The following PARP8 variants were observed in gnomAD, a reference collection of about 807,000 sequenced individuals.
PARP8 encodes the protein poly(ADP-ribose) polymerase family member 8, also known as protein mono-ADP-ribosyltransferase PARP8.
A neutral mutation model predicts 124.1 loss-of-function variants in PARP8; 51 were observed. The ratio of observed to expected loss-of-function variants is 0.41; its 90% CI spans 0.33 to 0.52. PARP8 has a LOEUF of 0.52. Ranked by LOEUF, PARP8 falls within the 20% of genes least tolerant of loss-of-function variation. The probability of loss-of-function intolerance (pLI) is 0.21; values close to 1 mark genes in which losing one functional copy is unlikely to be tolerated. For missense variants in PARP8, 860 were observed against 1,018.9 expected (o/e 0.84, Z 2.12); for synonymous variants, 391 against 361.5 (o/e 1.08, Z -0.93).
At chr5:50,673,656 A>C (rs1213067266) in intron 2 of PARP8, among the ~76,000 whole-genome samples, 2 of 152,120 alleles carry the variant, frequency 1.3e-5, no homozygotes, top group Admixed American at 1.3e-4. Context: ...AATAGTTGGG[A>C]ATGTTTGGGA....
At chr5:50,830,041 C>G in intron 22 of PARP8, 80 bp downstream of exon 22, 1 of 1,418,480 alleles carries the variant, frequency 7.0e-7, no homozygotes, top group Non-Finnish European at 9.3e-7. Context: ...TCACAGCTTT[C>G]TATTGTGCCT....
chr5:50,676,493 C>T (rs184112439), intron 2 of PARP8, among the ~76,000 whole-genome samples: 36 of 152,290 alleles, frequency 2.4e-4, no homozygotes, highest in Admixed American at 1.8e-3. Flanking sequence ...GTTGGCAGAG[C>T]CCTCTCTGGT....
chr5:50,794,203 A>G lies in PARP8; in HGVS notation c.738-4A>G, dbSNP rs370312677. ...TGATAACAGAATTACCTTTGGATTG[A>G]CAGAATCATGCAGACATTTGTTACA... On this transcript the variant is annotated splice_polypyrimidine_tract_variant and splice_region_variant and intron_variant, in intron 10 of 25. Transcript: ENST00000281631. 1.9e-6 allele frequency: 3 copies of G among 1,609,090 alleles called. No individual in the cohort carries two copies. The highest frequency in any genetic ancestry group is 2.5e-6 in the Non-Finnish European group (3 of 1,177,234).
rs370907172 is a variant in PARP8 at position 50,772,679 on chromosome 5, CTTTTATTTTTAT to C, written c.519-5367_519-5356del. On this transcript the variant is annotated intron_variant, in intron 7 of 25. Transcript: ENST00000281631. ...AGAAATGCACATTCGGGTCTTTTGC[CTTTTATTTTTAT>C]TTTTATTTTTATTTTTATTTTTGAG... Among the ~76,000 whole-genome samples the C allele has an allele frequency of 3.7e-3, 554 of 151,608 alleles. 2 individuals are homozygous for C. Among genetic ancestry groups the C allele is most frequent in the East Asian group, 7.0e-3 (36 of 5,164 alleles).
chr5:50,724,188 T>C (rs1345697504), intron 2 of PARP8, among the ~76,000 whole-genome samples: 3 of 152,120 alleles, frequency 2.0e-5, no homozygotes, highest in Admixed American at 6.6e-5. Context: ...AAAATACGAT[T>C]GTCTGTTTAT....
At chr5:50,742,482 C>G (rs113077925) in intron 2 of PARP8, among the ~76,000 whole-genome samples, 4 of 152,122 alleles carry the variant, frequency 2.6e-5, no homozygotes, top group African/African-American at 9.6e-5. Flanking sequence ...GGAGTATGAG[C>G]TTGTAGGTGG....
chr5:50,772,156 C>T (rs1336272987), intron 7 of PARP8, among the ~76,000 whole-genome samples: 5 of 152,168 alleles, frequency 3.3e-5, no homozygotes, highest in African/African-American at 1.2e-4. Flanking sequence ...CCAGGTTTAT[C>T]CATGTTGCTG....
intron 15 of PARP8, among the ~76,000 whole-genome samples, chr5:50,817,892 G>A (rs1386703948): frequency 6.6e-6 from 1 of 152,116 alleles, no homozygotes; most frequent in East Asian, 1.9e-4. Context: ...TGAATTGTAG[G>A]TAATGTAATG....
At chr5:50,819,041 T>TG (rs1745445560) in intron 15 of PARP8, among the ~76,000 whole-genome samples, 1 of 152,172 alleles carries the variant, frequency 6.6e-6, no homozygotes, top group Admixed American at 6.5e-5. Context: ...TGAAAGCCAG[T>TG]GGTTAAGACC....
chr5:50,738,729 AAAAG>A (rs1407996799), intron 2 of PARP8, among the ~76,000 whole-genome samples: 1 of 151,832 alleles, frequency 6.6e-6, no homozygotes, highest in African/African-American at 2.4e-5. Context: ...AAAAAAAAAA[AAAAG>A]AAAATAGCAA....
chr5:50,834,175 A>C (rs976840759), intron 24 of PARP8, 127 bp downstream of exon 24: 2 of 765,342 alleles, frequency 2.6e-6, no homozygotes, highest in Non-Finnish European at 4.1e-6. Flanking sequence ...ATCATCTCAA[A>C]GGGCACAAAT....
At position 50,842,198 on chromosome 5, in the gene PARP8, T is replaced by C; in HGVS notation, c.*130T>C. On this transcript the variant is annotated 3_prime_UTR_variant, in exon 26 of 26. Transcript: ENST00000281631. ...ATTAACCCTTTGAATACTGATTTTT[T>C]TTCTTAGTATTTCTAAGTATCTCAT... is the stretch of plus-strand genomic sequence containing the variant. 1.6e-6 allele frequency: 1 copy of C among 622,068 alleles called. No homozygotes were observed. The highest frequency in any genetic ancestry group is 2.8e-6 in the Non-Finnish European group (1 of 361,836). The allele number at this position is 622,068 out of a possible 1,614,324, so 38.5% of individuals were successfully genotyped here. A position where few individuals can be genotyped will look rare whatever the true frequency, so the allele number is the denominator to read the frequency against.
At chr5:50,688,237 T>G (rs1165575018) in intron 2 of PARP8, among the ~76,000 whole-genome samples, 1 of 152,210 alleles carries the variant, frequency 6.6e-6, no homozygotes, top group East Asian at 1.9e-4. Flanking sequence ...ATAACTCATT[T>G]TTTTCCTTGA....
At chr5:50,733,892 G>A (rs1253645959) in intron 2 of PARP8, among the ~76,000 whole-genome samples, 2 of 151,882 alleles carry the variant, frequency 1.3e-5, no homozygotes, top group Admixed American at 1.3e-4. Flanking sequence ...CTTGTTTCTG[G>A]TACGTTCTCA....
chr5:50,756,994 G>A (rs564580712), intron 3 of PARP8: 3 of 326,616 alleles, frequency 9.2e-6, no homozygotes, highest in South Asian at 7.5e-5. Flanking sequence ...TGTTGCAGAT[G>A]GCAGGATTTC....
chr5:50,763,372 G>C lies in PARP8; in HGVS notation c.518+130G>C, dbSNP rs908431595. On this transcript the variant is annotated intron_variant, in intron 7 of 25. Coordinates refer to ENST00000281631, the MANE Select transcript of PARP8 (RefSeq NM_024615.4). ...TAAAGTGTTTTAGAAAGAGTCTACT[G>C]TTTATCCTTACACAAAATGACATAT... 187 of 635,120 alleles carry C rather than the reference G, an allele frequency of 2.9e-4. 1 individual carries two copies. In the African/African-American group the frequency reaches 3.2e-3, roughly 11 times the overall value. The allele number at this position is 635,120 out of a possible 1,614,324, so 39.3% of individuals were successfully genotyped here.
chr5:50,801,962 CT>C (rs1031634054), intron 14 of PARP8, among the ~76,000 whole-genome samples: 3 of 152,124 alleles, frequency 2.0e-5, no homozygotes, highest in African/African-American at 7.2e-5. Context: ...CATGGAATAT[CT>C]TTTTTCATGC....
At chr5:50,807,884 G>A (rs1744034765) in intron 14 of PARP8, among the ~76,000 whole-genome samples, 1 of 151,994 alleles carries the variant, frequency 6.6e-6, no homozygotes, top group African/African-American at 2.4e-5. Flanking sequence ...CTTGCTCTGA[G>A]TGGTTTGACA....
intron 2 of PARP8, among the ~76,000 whole-genome samples, chr5:50,672,906 T>C (rs1193960782): frequency 2.6e-5 from 4 of 152,162 alleles, no homozygotes; most frequent in African/African-American, 9.7e-5. Flanking sequence ...AAAAGGTTTG[T>C]CAATTTTCAT....
Sources: allele counts gnomAD v4.1 joint callset (sites outside exome capture counted in the v4.1 genomes callset), GRCh38; gene constraint gnomAD v4.1.1; transcripts MANE v1.5; gene names NCBI Gene and HGNC (gene_info 2026-07-23, HGNC 2026-07-21).